The following CNTN1 variants were observed in gnomAD, a reference collection of about 807,000 sequenced individuals.
The protein encoded by CNTN1 is contactin 1.
Under a neutral mutation model 126.4 loss-of-function variants are expected in CNTN1, and 38 were observed. That is an observed-to-expected ratio of 0.30 (90% CI 0.23 to 0.39). CNTN1 has a LOEUF of 0.39. CNTN1 is among the 10% of genes least tolerant of loss of function. The pLI is 1.00. For missense variants in CNTN1, 1,009 were observed against 1,248.4 expected (o/e 0.81, Z 2.89); for synonymous variants, 413 against 422.6 (o/e 0.98, Z 0.28).
At chr12:41,047,197 A>G (rs1004009370) in intron 23 of CNTN1, among the ~76,000 whole-genome samples, 3 of 152,000 alleles carry the variant, frequency 2.0e-5, no homozygotes, top group Non-Finnish European at 4.4e-5. Context: ...AGCCTTGTTT[A>G]TGACAGTCAC....
chr12:41,005,765 T>TA (rs1158522807), intron 17 of CNTN1, among the ~76,000 whole-genome samples: 3 of 152,252 alleles, frequency 2.0e-5, no homozygotes, highest in Non-Finnish European at 4.4e-5. Flanking sequence ...CTTTTAGCTC[T>TA]ATCAGGTTGG....
chr12:40,992,475 T>C (rs2120498635), intron 16 of CNTN1, among the ~76,000 whole-genome samples: 1 of 152,224 alleles, frequency 6.6e-6, no homozygotes, highest in East Asian at 1.9e-4. Flanking sequence ...TTGCATGTTT[T>C]ATTATACCTC....
chr12:40,814,312 G>A (rs546518770), intron 1 of CNTN1, among the ~76,000 whole-genome samples: 3 of 152,142 alleles, frequency 2.0e-5, no homozygotes, highest in African/African-American at 7.2e-5. Flanking sequence ...TTTTCTTCTA[G>A]GGTTTTTATG....
At chr12:40,782,041 CAT>C (rs1939824538) in intron 1 of CNTN1, among the ~76,000 whole-genome samples, 1 of 151,984 alleles carries the variant, frequency 6.6e-6, no homozygotes, top group Non-Finnish European at 1.5e-5. Context: ...TGTCTTGTCA[CAT>C]GAGAAATTGT....
intron 1 of CNTN1, among the ~76,000 whole-genome samples, chr12:40,804,671 A>G (rs945291504): frequency 6.6e-6 from 1 of 151,934 alleles, no homozygotes; most frequent in African/African-American, 2.4e-5. Context: ...GGGTCTTCAG[A>G]ATTTTATCTC....
intron 15 of CNTN1, among the ~76,000 whole-genome samples, chr12:40,980,196 G>A (rs1304940753): frequency 6.6e-6 from 1 of 152,150 alleles, no homozygotes; most frequent in Non-Finnish European, 1.5e-5. Context: ...ACTTTGGAAT[G>A]CCTAGGCATG....
At chr12:40,894,476 A>G (rs867339009) in intron 1 of CNTN1, among the ~76,000 whole-genome samples, 4 of 152,200 alleles carry the variant, frequency 2.6e-5, no homozygotes, top group Admixed American at 1.3e-4. Context: ...GAAACTATAC[A>G]GGAGAGAAGG....
chr12:40,957,541 A>G (rs1374265635), intron 14 of CNTN1, among the ~76,000 whole-genome samples: 2 of 150,226 alleles, frequency 1.3e-5, no homozygotes, highest in Non-Finnish European at 3.0e-5. Context: ...TGGTTTTCTG[A>G]TAAAATAGAG....
At chr12:40,989,688 C>T (rs1948053374) in intron 16 of CNTN1, among the ~76,000 whole-genome samples, 1 of 152,000 alleles carries the variant, frequency 6.6e-6, no homozygotes, top group African/African-American at 2.4e-5. Flanking sequence ...ATATTTTAAG[C>T]AAAAATGTAT....
At chr12:40,882,158 C>A (rs867769967) in intron 1 of CNTN1, among the ~76,000 whole-genome samples, 1 of 151,636 alleles carries the variant, frequency 6.6e-6, no homozygotes, top group Middle Eastern at 3.4e-3. Context: ...GTTTCCCAAG[C>A]ATTAATCTTG....
intron 17 of CNTN1, among the ~76,000 whole-genome samples, chr12:41,005,594 AT>A (rs1303341029): frequency 6.6e-6 from 1 of 151,820 alleles, no homozygotes; most frequent in East Asian, 1.9e-4. Context: ...TCAGTCACAT[AT>A]TTTTTGAATT....
intron 6 of CNTN1, among the ~76,000 whole-genome samples, chr12:40,926,234 A>G (rs79162841): frequency 0.11 from 15,900 of 138,908 alleles, 908 homozygotes; most frequent in Non-Finnish European, 0.13. Flanking sequence ...TAATGCAGGG[A>G]AGTGGGGAGA....
chr12:40,744,411 G>A (rs191078135), intron 1 of CNTN1, among the ~76,000 whole-genome samples: 7 of 152,178 alleles, frequency 4.6e-5, no homozygotes, highest in Admixed American at 4.6e-4. Context: ...GGAATAGCCT[G>A]CATTTGGGAA....
intron 1 of CNTN1, among the ~76,000 whole-genome samples, chr12:40,728,258 T>C (rs939410779): frequency 6.6e-5 from 10 of 152,190 alleles, no homozygotes; most frequent in Non-Finnish European, 1.2e-4. Context: ...GATCTGTGCA[T>C]TAACTCCAGG....
intron 1 of CNTN1, among the ~76,000 whole-genome samples, chr12:40,889,626 G>A (rs889820293): frequency 5.3e-5 from 8 of 152,064 alleles, no homozygotes; most frequent in African/African-American, 1.9e-4. Context: ...ATCATAAAAT[G>A]TAATACTCAT....
intron 16 of CNTN1, among the ~76,000 whole-genome samples, chr12:40,992,718 A>T (rs543884165): frequency 2.0e-5 from 3 of 152,334 alleles, no homozygotes; most frequent in African/African-American, 7.2e-5. Context: ...CATAGACTAT[A>T]TCAGTGGCAA....
chr12:40,831,301 G>T (rs1487609617), intron 1 of CNTN1, among the ~76,000 whole-genome samples: 2 of 151,496 alleles, frequency 1.3e-5, no homozygotes, highest in Non-Finnish European at 2.9e-5. Flanking sequence ...TTGAAAAGAG[G>T]TAATATACCC....
In CNTN1 at chr12:40,859,346, G is replaced by T. The variant is rs564594137; in HGVS notation, c.-76-49011G>T. ...AAATATCAATATTGGCTCATCAATT[G>T]TAACAAAAGCCTCACACTAATGTAA... On this transcript the variant is annotated intron_variant, in intron 1 of 23. Coordinates refer to ENST00000551295, the MANE Select transcript of CNTN1 (RefSeq NM_001843.4). Among the ~76,000 whole-genome samples, 15 of 152,096 alleles carry T rather than the reference G, an allele frequency of 9.9e-5. No individual in the cohort carries two copies. In the East Asian group the frequency reaches 2.5e-3, roughly 25 times the overall value.
chr12:40,982,794 G>T (rs1196062990), intron 16 of CNTN1, among the ~76,000 whole-genome samples: 2 of 152,066 alleles, frequency 1.3e-5, no homozygotes, highest in Admixed American at 6.6e-5. Flanking sequence ...GGTGATGAAT[G>T]CTAGAGAGAA....
Sources: allele counts gnomAD v4.1 joint callset (sites outside exome capture counted in the v4.1 genomes callset), GRCh38; gene constraint gnomAD v4.1.1; transcripts MANE v1.5; gene names NCBI Gene and HGNC (gene_info 2026-07-23, HGNC 2026-07-21).